ASTN1: variants seen among roughly 807,000 people sequenced by gnomAD.
The protein encoded by ASTN1 is astrotactin-1.
In ASTN1, 41 loss-of-function variants were observed where a neutral mutation model predicts 140.7. The ratio of observed to expected loss-of-function variants is 0.29; its 90% confidence interval spans 0.23 to 0.38. The LOEUF is 0.38. Among genes scored for constraint, ASTN1 ranks in the 10% least tolerant of loss-of-function variants. The pLI is 1.00. For synonymous variants in ASTN1, 640 were observed against 652.2 expected, an observed-to-expected ratio of 0.98 and a Z score of 0.29; for missense variants, 1,479 against 1,678.8, an observed-to-expected ratio of 0.88 and a Z score of 2.08.
At chr1:177,107,123 A>C (rs1005184207) in intron 1 of ASTN1, among the ~76,000 whole-genome samples, 4 of 152,078 alleles carry the variant, frequency 2.6e-5, no homozygotes, top group African/African-American at 9.7e-5. Flanking sequence ...GACCAGCTGC[A>C]TGGGCGTCAC....
intron 17 of ASTN1, among the ~76,000 whole-genome samples, chr1:176,888,704 T>C (rs1669143838): frequency 6.6e-6 from 1 of 152,208 alleles, no homozygotes; most frequent in South Asian, 2.1e-4. Flanking sequence ...CAATGCTGCC[T>C]TGGGTTGTGA....
chr1:176,887,483 C>T (rs887570802), intron 18 of ASTN1, among the ~76,000 whole-genome samples: 1 of 152,344 alleles, frequency 6.6e-6, no homozygotes, highest in Non-Finnish European at 1.5e-5. Context: ...CCCAGATCAT[C>T]TCTCAATTTT....
At chr1:177,002,368 TACACACAA>T (rs1674769275) in intron 8 of ASTN1, among the ~76,000 whole-genome samples, 1 of 94,168 alleles carries the variant, frequency 1.1e-5, no homozygotes, top group Non-Finnish European at 2.0e-5. Context: ...AAATGTGCCT[TACACACAA>T]ACACACACAC....
chr1:176,974,121 G>A (rs1486663975), intron 8 of ASTN1, among the ~76,000 whole-genome samples: 1 of 151,984 alleles, frequency 6.6e-6, no homozygotes, highest in African/African-American at 2.4e-5. Context: ...TTATGTATAT[G>A]TGCACACAGG....
intron 1 of ASTN1, among the ~76,000 whole-genome samples, chr1:177,108,518 T>C (rs1322612670): frequency 2.0e-5 from 3 of 151,654 alleles, no homozygotes; most frequent in African/African-American, 7.3e-5. Context: ...TAGTGTAACA[T>C]GTGTCAGAAA....
At chr1:176,904,646 C>A (rs902989543) in intron 16 of ASTN1, among the ~76,000 whole-genome samples, 2 of 152,312 alleles carry the variant, frequency 1.3e-5, no homozygotes, top group Non-Finnish European at 2.9e-5. Context: ...TTCCTCCGCG[C>A]CCCCAGCCTT....
chr1:177,037,857 T>C (rs1406052463), intron 2 of ASTN1, among the ~76,000 whole-genome samples: 2 of 152,236 alleles, frequency 1.3e-5, no homozygotes, highest in African/African-American at 4.8e-5. Context: ...AATACATTTT[T>C]CTTTTTAAAA....
At position 176,884,477 on chromosome 1, in the gene ASTN1, T is replaced by C; in HGVS notation, c.3088A>G (p.Thr1030Ala). The C allele has an allele frequency of 6.2e-7, 1 of 1,612,928 alleles. No individual in the cohort carries two copies. Among genetic ancestry groups the C allele is most frequent in the Non-Finnish European group, 8.5e-7 (1 of 1,179,200 alleles). The change falls in exon 19 of 23, where the codon ACG becomes GCG. Residue 1030 changes from threonine to alanine, a missense_variant. Around this residue, in one of 3 missense-constraint regions of ASTN1, gnomAD observed 746 missense variants for 800.9 expected, o/e 0.93. Transcript: ENST00000361833. ...PLPQPVLRLS[T>A]VHEPSSTLVV... is the part of the protein sequence containing the mutation. ...AGAGTGCTGCTGGGCTCGTGAACCGTGGAGAGTCTCAGCCTGTGTGCAGAC... is the reference window on the plus strand; with the variant it reads ...AGAGTGCTGCTGGGCTCGTGAACCGCGGAGAGTCTCAGCCTGTGTGCAGAC...
chr1:176,951,123 C>T (rs899126753), intron 11 of ASTN1, among the ~76,000 whole-genome samples: 4 of 152,360 alleles, frequency 2.6e-5, no homozygotes, highest in African/African-American at 9.6e-5. Flanking sequence ...TCCCTTTCTC[C>T]CCATGAAGGC....
At chr1:177,094,465 A>C (rs1041391613) in intron 1 of ASTN1, among the ~76,000 whole-genome samples, 2 of 152,170 alleles carry the variant, frequency 1.3e-5, no homozygotes, top group African/African-American at 4.8e-5. Flanking sequence ...TTCTAAGAAA[A>C]GAGGCTCCAA....
downstream of ASTN1, among the ~76,000 whole-genome samples, chr1:176,860,603 T>C (rs1321681269): frequency 1.3e-5 from 2 of 151,346 alleles, no homozygotes; most frequent in African/African-American, 2.4e-5. Context: ...GAGGGCCTTT[T>C]GCAACATTTT....
chr1:177,078,151 G>A (rs975027147), intron 1 of ASTN1, among the ~76,000 whole-genome samples: 3 of 152,040 alleles, frequency 2.0e-5, no homozygotes, highest in Non-Finnish European at 4.4e-5. Context: ...GGAAAGGAGA[G>A]GAAGATGTAT....
intron 14 of ASTN1, among the ~76,000 whole-genome samples, chr1:176,939,320 A>C (rs1408523106): frequency 6.6e-6 from 1 of 152,198 alleles, no homozygotes; most frequent in Non-Finnish European, 1.5e-5. Context: ...AAAATAAAGA[A>C]ACAAGCACAG....
At chr1:177,136,963 C>T (rs900506106) in intron 1 of ASTN1, among the ~76,000 whole-genome samples, 1 of 152,190 alleles carries the variant, frequency 6.6e-6, no homozygotes, top group African/African-American at 2.4e-5. Flanking sequence ...GGCTGCCCTA[C>T]ACATTGCAGG....
chr1:176,909,368 T>C (rs1458135393), intron 16 of ASTN1, among the ~76,000 whole-genome samples: 1 of 152,232 alleles, frequency 6.6e-6, no homozygotes, highest in Non-Finnish European at 1.5e-5. Flanking sequence ...ATTCTCATTG[T>C]TGCAGGCATG....
chr1:176,949,047 G>C, intron 12 of ASTN1, 138 bp downstream of exon 12: 1 of 1,248,604 alleles, frequency 8.0e-7, no homozygotes, highest in Non-Finnish European at 1.1e-6. Flanking sequence ...TCCCCCCCAA[G>C]TCCTAGAGGC....
At chr1:176,867,695 T>C (rs569052609) in intron 22 of ASTN1, among the ~76,000 whole-genome samples, 1 of 152,310 alleles carries the variant, frequency 6.6e-6, no homozygotes, top group South Asian at 2.1e-4. Flanking sequence ...CTAATTTTCC[T>C]CTTTCCTTCA....
In ASTN1 at chr1:176,888,137, C is replaced by T. The variant is rs762130058; in HGVS notation, c.3008G>A (p.Cys1003Tyr). ...SGTGDVIEDW[C>Y]RCDSTAFGAD... is the part of the protein sequence containing the mutation. ...TCCAAAAGCAGTGGAGTCACATCGA[C>T]ACCAGTCCTCGATGACATCTCCAGT... The change falls in exon 18 of 23, where the codon TGT (cysteine) becomes TAT (tyrosine). Residue 1003 changes from cysteine (C) to tyrosine (Y), a missense_variant. By Grantham distance (194) the Cys-to-Tyr change is radical. Around this residue, in one of 3 missense-constraint regions of ASTN1, gnomAD observed 746 missense variants for 800.9 expected, o/e 0.93. Coordinates refer to ENST00000361833, the MANE Select transcript of ASTN1 (RefSeq NM_004319.3). The T allele has an allele frequency of 6.2e-7, 1 of 1,614,106 alleles. No homozygotes were observed. The highest frequency in any genetic ancestry group is 8.5e-7 in the Non-Finnish European group (1 of 1,179,998).
chr1:176,998,286 G>A (rs1384226751), intron 8 of ASTN1, among the ~76,000 whole-genome samples: 4 of 152,132 alleles, frequency 2.6e-5, no homozygotes, highest in African/African-American at 9.7e-5. Context: ...CACATGGAAA[G>A]CACTCAATAA....
Sources: gnomAD v4.1 joint callset for allele counts (sites outside exome capture counted in the v4.1 genomes callset) on GRCh38, gnomAD v4.1.1 for gene constraint, gnomAD v4.1.1 regional missense constraint, MANE v1.5 for transcripts, NCBI Gene and HGNC (gene_info 2026-07-23, HGNC 2026-07-21) for gene names.